The following PPP1R26 variants were observed in gnomAD, a reference collection of about 807,000 sequenced individuals.
PPP1R26 encodes the protein 1A6/DRIM (down-regulated in metastasis) interacting protein.
Under a neutral mutation model 67.6 loss-of-function variants are expected in PPP1R26, and 22 were observed. The observed-to-expected ratio is 0.33, with a 90% confidence interval of 0.23 to 0.46. The LOEUF is 0.46. PPP1R26 is among the 20% of genes least tolerant of loss of function. The probability of loss-of-function intolerance (pLI) is 1.00; values close to 1 mark genes in which losing one functional copy is unlikely to be tolerated. For missense variants in PPP1R26, 1,602 were observed against 1,651.4 expected, an observed-to-expected ratio of 0.97 and a Z score of 0.52; for synonymous variants, 729 against 717.2, an observed-to-expected ratio of 1.02 and a Z score of -0.26.
chr9:135,480,966 C>T (rs1319121975), intron 1 of PPP1R26, among the ~76,000 whole-genome samples: 1 of 152,100 alleles, frequency 6.6e-6, no homozygotes, highest in Non-Finnish European at 1.5e-5. Flanking sequence ...TATTTGGGGG[C>T]GTTTCTCACA....
intron 1 of PPP1R26, 37 bp downstream of exon 1, chr9:135,480,059 G>T: frequency 6.8e-6 from 1 of 147,270 alleles, no homozygotes; most frequent in South Asian, 1.9e-4. Context: ...GGGGCTCGGG[G>T]GCTGGGAAGC....
intron 2 of PPP1R26, among the ~76,000 whole-genome samples, chr9:135,483,033 A>AGACT (rs1830579165): frequency 8.1e-6 from 1 of 123,048 alleles, no homozygotes; most frequent in Non-Finnish European, 1.6e-5. Flanking sequence ...TCTGTCGCCC[A>AGACT]GACTGGAGTG....
Position 135,487,656 on chromosome 9 carries a change from C to T in PPP1R26, c.3146C>T (p.Ala1049Val), listed in dbSNP as rs1166271180. The change falls in exon 4 of 4, where the codon GCA becomes GTA. Residue 1049 changes from alanine (A) to valine (V), a missense_variant. Ala to Val is a moderately conservative substitution (Grantham distance 64). Coordinates refer to ENST00000356818, the MANE Select transcript of PPP1R26 (RefSeq NM_014811.5). ...PWVLRSEGRD[A>V]VWRGGVGSER... ...GTGCTGCGCTCCGAAGGCAGAGATG[C>T]AGTGTGGAGGGGGGGCGTCGGGAGC... 1 of 1,470,522 alleles carries T rather than the reference C, an allele frequency of 6.8e-7. No homozygotes were observed. The allele number at this position is 1,470,522 out of a possible 1,614,324, so 91.1% of individuals were successfully genotyped here. A position where few individuals can be genotyped will look rare whatever the true frequency, so the allele number is the denominator to read the frequency against.
At chr9:135,484,121 G>A (rs1377380796) in intron 3 of PPP1R26, 39 bp downstream of exon 3, 4 of 414,738 alleles carry the variant, frequency 9.6e-6, no homozygotes, top group Non-Finnish European at 1.7e-5. Context: ...GAAGGTGGAA[G>A]CCCGGAGTGA....
intron 3 of PPP1R26, 114 bp from the exon 4 acceptor site, chr9:135,484,335 C>T: frequency 3.1e-6 from 2 of 645,862 alleles, no homozygotes; most frequent in Middle Eastern, 4.3e-4. Flanking sequence ...TGGGCTCCAC[C>T]CAACTCTCTC....
In PPP1R26 at chr9:135,486,311, C is replaced by T. The variant is rs539316336; in HGVS notation, c.1801C>T (p.His601Tyr). 7.6e-5 allele frequency: 123 copies of T among 1,612,942 alleles called. 1 individual carries two copies. In the East Asian group the frequency reaches 2.7e-3, roughly 36 times the overall value. ...CAAAAGGAAGCGTAGAGGTGGTGGCCATGTGAGGCCATCCACGCCCAAGAA... is the reference window on the plus strand; with the variant it reads ...CAAAAGGAAGCGTAGAGGTGGTGGCTATGTGAGGCCATCCACGCCCAAGAA... ...GCKRKRRGGGHVRPSTPKKMQ... is the reference protein window; with the variant it reads ...GCKRKRRGGGYVRPSTPKKMQ... The change falls in exon 4 of 4, where the codon CAT (histidine) becomes TAT (tyrosine). Residue 601 changes from histidine (H) to tyrosine (Y), a missense_variant. This residue lies in a region of PPP1R26 where 680 missense variants were observed against 726.1 expected (regional missense o/e 0.94). Coordinates refer to ENST00000356818, the MANE Select transcript of PPP1R26 (RefSeq NM_014811.5). The surrounding 1 kb of genome is among the most constrained non-coding windows in gnomAD (Gnocchi z 6.2).
In PPP1R26 at chr9:135,487,809, C is replaced by T. The variant is rs750331447; in HGVS notation, c.3299C>T (p.Ala1100Val). ...GGTGTCTCCTGGGGGGGCAGGCAGG[C>T]TGGCCTCTTCAGCCCCCACCTGGGG... ...GKGVSWGGRQ[A>V]GLFSPHLGLP... The change falls in exon 4 of 4, where the codon GCT becomes GTT. Residue 1100 changes from alanine to valine, a missense_variant. This residue lies in a region of PPP1R26 where 740 missense variants were observed against 696.3 expected (regional missense o/e 1.06). Transcript: ENST00000356818. The T allele has an allele frequency of 6.3e-7, 1 of 1,585,848 alleles. No homozygotes were observed.
rs1340082724 is a variant in PPP1R26 at position 135,479,817 on chromosome 9, G to A, written c.-534G>A. 2 of 144,746 alleles carry A rather than the reference G, an allele frequency of 1.4e-5. No individual in the cohort carries two copies. The highest frequency in any genetic ancestry group is 3.1e-5 in the Non-Finnish European group (2 of 65,266). 9.0% of individuals were successfully genotyped at this position (144,746 alleles called of 1,614,324 possible). ...GCTTCCCACGGCGCGGCCCGGGCGC[G>A]GGGCGGCGGCAGCGGCGGCGCGCGG... On this transcript the variant is annotated 5_prime_UTR_variant, in exon 1 of 4. Transcript: ENST00000356818. The surrounding 1 kb of genome is among the most constrained non-coding windows in gnomAD (Gnocchi z 5.9).
chr9:135,486,470 A>G lies in PPP1R26; in HGVS notation c.1960A>G (p.Arg654Gly), dbSNP rs1246257237. The part of the protein sequence containing the change: ...SEALGGEGTA[R>G]GPGDTRMSQG... The stretch of plus-strand genomic sequence containing the variant: ...GGCCCTGGGAGGGGAGGGCACCGCC[A>G]GGGGCCCTGGCGACACTCGCATGTC... Residue 654 changes from arginine (R) to glycine (G), a missense_variant, in exon 4 of 4, where the codon AGG (arginine) becomes GGG (glycine). This residue lies in a region of PPP1R26 where 680 missense variants were observed against 726.1 expected (regional missense o/e 0.94). Transcript: ENST00000356818. The surrounding 1 kb of genome is among the most constrained non-coding windows in gnomAD (Gnocchi z 6.2). 1 of 1,613,054 alleles carries G rather than the reference A, an allele frequency of 6.2e-7. No homozygotes were observed. Among genetic ancestry groups the G allele is most frequent in the Non-Finnish European group, 8.5e-7 (1 of 1,179,894 alleles).
In PPP1R26 at chr9:135,479,963, G is replaced by C. The variant is rs942913820; in HGVS notation, c.-388G>C. The C allele has an allele frequency of 6.9e-6, 1 of 144,074 alleles. No homozygotes were observed. Among genetic ancestry groups the C allele is most frequent in the African/African-American group, 2.5e-5 (1 of 40,272 alleles). The allele number at this position is 144,074 out of a possible 1,614,324, so 8.9% of individuals were successfully genotyped here. A position where few individuals can be genotyped will look rare whatever the true frequency, so the allele number is the denominator to read the frequency against. ...CCGCCCCCGGCCCGCCGCCTCCCCC[G>C]GGACGTGGGACGCGGGCGCAGGCGG... On this transcript the variant is annotated 5_prime_UTR_variant, in exon 1 of 4. Transcript: ENST00000356818. This position sits in a 1 kb window ranked among gnomAD's most constrained non-coding sequence, Gnocchi z 5.9.
chr9:135,482,979 C>CTTTTTTTTTTTTTT (rs1830570844), intron 2 of PPP1R26, among the ~76,000 whole-genome samples, 164 bp downstream of exon 2: 1 of 136,914 alleles, frequency 7.3e-6, no homozygotes. Context: ...GTTTCTTTTT[C>CTTTTTTTTTTTTTT]TTTCTTTCTT....
chr9:135,487,172 G>A lies in PPP1R26; in HGVS notation c.2662G>A (p.Val888Met), dbSNP rs372832870. ...GAAGGAGCCTGCCCCACCGCCTGGC[G>A]TGTGCACACGCAGCCAGAGGGCCAG... ...CRKEPAPPPG[V>M]CTRSQRARGV... Residue 888 changes from valine to methionine, a missense_variant, in exon 4 of 4, where the codon GTG becomes ATG. Transcript: ENST00000356818. The A allele has an allele frequency of 3.9e-5, 63 of 1,609,314 alleles. No homozygotes were observed. The highest frequency in any genetic ancestry group is 2.5e-4 in the East Asian group (11 of 44,852).
Position 135,487,127 on chromosome 9 carries a change from A to G in PPP1R26, c.2617A>G (p.Arg873Gly). The change falls in exon 4 of 4, where the codon AGG becomes GGG. Residue 873 changes from arginine (R) to glycine (G), a missense_variant. By Grantham distance (125) the Arg-to-Gly change is moderately radical. Transcript: ENST00000356818. Reference protein sequence around the residue: ...PTALGTGGPARPEVLCRKEPA... With the variant: ...PTALGTGGPAGPEVLCRKEPA... ...CGCTCTTGGGACAGGGGGCCCAGCC[A>G]GGCCAGAGGTGCTGTGCAGGAAGGA... 6.2e-7 allele frequency: 1 copy of G among 1,609,716 alleles called. No individual in the cohort carries two copies.
Position 135,484,492 on chromosome 9 carries a change from C to A in PPP1R26, c.-19C>A. The A allele has an allele frequency of 6.5e-7, 1 of 1,546,994 alleles. No individual in the cohort carries two copies. The highest frequency in any genetic ancestry group is 8.7e-7 in the Non-Finnish European group (1 of 1,144,216). ...AAATAAAGCATCGCCCCTCTGCGCG[C>A]CCCTCCCCGTCTGCTAGAATGTTTC... On this transcript the variant is annotated 5_prime_UTR_variant, in exon 4 of 4. Coordinates refer to ENST00000356818, the MANE Select transcript of PPP1R26 (RefSeq NM_014811.5).
Position 135,486,249 on chromosome 9 carries a change from C to T in PPP1R26, c.1739C>T (p.Thr580Ile), listed in dbSNP as rs777997546. Residue 580 changes from threonine (T) to isoleucine (I), a missense_variant, in exon 4 of 4, where the codon ACC becomes ATC. Physicochemically the swap from Thr to Ile is moderately conservative, Grantham distance 89 (BLOSUM62 -1). Transcript: ENST00000356818. The surrounding 1 kb of genome is among the most constrained non-coding windows in gnomAD (Gnocchi z 6.2). Reference protein sequence around the residue: ...GLNSQTGGHKTPLSKTPDPLL... With the variant: ...GLNSQTGGHKIPLSKTPDPLL... ...AACAGCCAGACCGGCGGCCACAAGA[C>T]CCCTCTCTCTAAAACACCAGACCCA... 10 of 1,612,938 alleles carry T rather than the reference C, an allele frequency of 6.2e-6. No homozygotes were observed. The East Asian group carries it at 1.6e-4, about 25-fold the overall frequency.
Position 135,487,496 on chromosome 9 carries a change from A to G in PPP1R26, c.2986A>G (p.Thr996Ala), listed in dbSNP as rs1830789287. The G allele has an allele frequency of 1.2e-6, 2 of 1,610,134 alleles. No homozygotes were observed. The highest frequency in any genetic ancestry group is 2.2e-5 in the East Asian group (1 of 44,830). ...AGTEAGGARG[T>A]FHMGCGSPSF... Reference sequence around the variant, plus strand: ...CACCGAGGCAGGAGGCGCCAGAGGAACCTTTCACATGGGCTGCGGGAGCCC... The same window carrying G: ...CACCGAGGCAGGAGGCGCCAGAGGAGCCTTTCACATGGGCTGCGGGAGCCC... Residue 996 changes from threonine to alanine, a missense_variant, in exon 4 of 4, where the codon ACC (threonine) becomes GCC (alanine). By Grantham distance (58) the Thr-to-Ala change is moderately conservative. Coordinates refer to ENST00000356818, the MANE Select transcript of PPP1R26 (RefSeq NM_014811.5).
rs2119276923 is a variant in PPP1R26, at chr9:135,484,850, A to G, written c.340A>G (p.Thr114Ala). The change falls in exon 4 of 4, where the codon ACA (threonine) becomes GCA (alanine). Residue 114 changes from threonine (T) to alanine (A), a missense_variant. Physicochemically the swap from Thr to Ala is moderately conservative, Grantham distance 58. This residue lies in a region of PPP1R26 where 168 missense variants were observed against 176.1 expected (regional missense o/e 0.95). Coordinates refer to ENST00000356818, the MANE Select transcript of PPP1R26 (RefSeq NM_014811.5). ...DFDPMGEEET[T>A]DFGPLVLDSD... ...TGACCCCATGGGGGAGGAGGAAACT[A>G]CAGACTTTGGCCCGTTGGTGCTAGA... 6.2e-7 allele frequency: 1 copy of G among 1,609,778 alleles called. No individual in the cohort carries two copies. Among genetic ancestry groups the G allele is most frequent in the Non-Finnish European group, 8.5e-7 (1 of 1,179,210 alleles).
chr9:135,487,034 A>G lies in PPP1R26; in HGVS notation c.2524A>G (p.Arg842Gly). 1.2e-6 allele frequency: 2 copies of G among 1,611,450 alleles called. No homozygotes were observed. Among genetic ancestry groups the G allele is most frequent in the Non-Finnish European group, 1.7e-6 (2 of 1,179,704 alleles). ...CAACGACAGCATCGAACTGGAGATTAGGAAGTTTTTGGCGGAAAAGGCCAA... is the reference window on the plus strand; with the variant it reads ...CAACGACAGCATCGAACTGGAGATTGGGAAGTTTTTGGCGGAAAAGGCCAA... ...DSNDSIELEI[R>G]KFLAEKAKES... The change falls in exon 4 of 4, where the codon AGG (arginine) becomes GGG (glycine). Residue 842 changes from arginine to glycine, a missense_variant. By Grantham distance (125) the Arg-to-Gly change is moderately radical. Around this residue, in one of 5 missense-constraint regions of PPP1R26, gnomAD observed 740 missense variants for 696.3 expected, o/e 1.06. Coordinates refer to ENST00000356818, the MANE Select transcript of PPP1R26 (RefSeq NM_014811.5).
Position 135,488,179 on chromosome 9 carries a change from T to C in PPP1R26, c.*39T>C. ...GGGTTCGCGTCCTGGGTTGCGTGCA[T>C]TCGTGGAAAGCGGCGTAGCCGTGCG... On this transcript the variant is annotated 3_prime_UTR_variant, in exon 4 of 4. Coordinates refer to ENST00000356818, the MANE Select transcript of PPP1R26 (RefSeq NM_014811.5). 3 of 1,485,904 alleles carry C rather than the reference T, an allele frequency of 2.0e-6. No homozygotes were observed. The highest frequency in any genetic ancestry group is 2.7e-6 in the Non-Finnish European group (3 of 1,120,408). 92.0% of individuals were successfully genotyped at this position (1,485,904 alleles called of 1,614,324 possible). A position where few individuals can be genotyped will look rare whatever the true frequency, so the allele number is the denominator to read the frequency against.
Sources: allele counts gnomAD v4.1 joint callset (sites outside exome capture counted in the v4.1 genomes callset), GRCh38; gene constraint gnomAD v4.1.1; regional missense constraint gnomAD v4.1.1; non-coding constraint Gnocchi (gnomAD v3.1); transcripts MANE v1.5; gene names NCBI Gene and HGNC (gene_info 2026-07-23, HGNC 2026-07-21).